The following RANBP2 variants were observed in gnomAD, a reference collection of about 807,000 sequenced individuals.
The protein encoded by RANBP2 is E3 SUMO-protein ligase RanBP2.
RANBP2 carries 57 observed loss-of-function variants against 303.6 expected under a neutral mutation model. That is an observed-to-expected ratio of 0.19 (90% CI 0.15 to 0.23). The LOEUF (loss-of-function observed/expected upper bound fraction) is 0.23. Among genes scored for constraint, RANBP2 ranks in the 10% least tolerant of loss-of-function variants. RANBP2 has a pLI of 1.00. For missense variants in RANBP2, 3,138 were observed against 3,780.8 expected (o/e 0.83, Z 4.46); for synonymous variants, 1,167 against 1,301.5 (o/e 0.90, Z 2.23).
the RANBP2 span, among the ~76,000 whole-genome samples, chr2:108,851,465 C>T: frequency 6.6e-6 from 1 of 152,112 alleles, no homozygotes; most frequent in Non-Finnish European, 1.5e-5. Context: ...CCATGCCCAG[C>T]TAATTTTTGT....
the RANBP2 span, among the ~76,000 whole-genome samples, chr2:109,608,752 CAGT>C: frequency 1.3e-5 from 2 of 152,114 alleles, no homozygotes; most frequent in Admixed American, 6.5e-5. Flanking sequence ...ATCCTTAAAT[CAGT>C]AGTAGATACA....
At chr2:109,472,692 C>T in the RANBP2 span, among the ~76,000 whole-genome samples, 2 of 152,202 alleles carry the variant, frequency 1.3e-5, no homozygotes, top group African/African-American at 4.8e-5. Context: ...TCATTCCAGA[C>T]ATCCTTCAGA....
At chr2:109,351,564 G>C in the RANBP2 span, among the ~76,000 whole-genome samples, 12 of 152,220 alleles carry the variant, frequency 7.9e-5, no homozygotes, top group African/African-American at 2.9e-4. Flanking sequence ...CATTGTGGTC[G>C]CCTTGCCAGG....
At chr2:109,085,250 T>C in the RANBP2 span, among the ~76,000 whole-genome samples, 1 of 152,200 alleles carries the variant, frequency 6.6e-6, no homozygotes, top group Non-Finnish European at 1.5e-5. Flanking sequence ...AGTGATCAGT[T>C]AATCCAGTTT....
At chr2:109,406,549 A>G in the RANBP2 span, among the ~76,000 whole-genome samples, 4 of 152,120 alleles carry the variant, frequency 2.6e-5, no homozygotes, top group Admixed American at 6.5e-5. Flanking sequence ...GACACCAACA[A>G]ACACCAGGCT....
the RANBP2 span, among the ~76,000 whole-genome samples, chr2:108,793,862 A>G: frequency 3.3e-5 from 5 of 151,524 alleles, no homozygotes; most frequent in African/African-American, 9.7e-5. Flanking sequence ...TCGGCCTCCC[A>G]AAGTGCTGGG....
the RANBP2 span, among the ~76,000 whole-genome samples, chr2:109,452,833 A>AGGAGGCTGGTCCCTG: frequency 7.7e-6 from 1 of 130,506 alleles, no homozygotes; most frequent in African/African-American, 3.0e-5. Flanking sequence ...GGCTGGTGCC[A>AGGAGGCTGGTCCCTG]GGAGGCTGGT....
chr2:108,958,049 A>C, the RANBP2 span, among the ~76,000 whole-genome samples: 1 of 152,162 alleles, frequency 6.6e-6, no homozygotes, highest in African/African-American at 2.4e-5. Flanking sequence ...AGGAAGTGCC[A>C]AAGCTGCCAA....
At chr2:108,834,539 G>A in the RANBP2 span, among the ~76,000 whole-genome samples, 17 of 152,080 alleles carry the variant, frequency 1.1e-4, no homozygotes, top group Admixed American at 5.9e-4. Context: ...TATACACTAA[G>A]TATTGTCAAA....
intron 13 of RANBP2, 116 bp downstream of exon 13, chr2:108,753,275 T>C (rs2149231443): frequency 6.2e-7 from 1 of 1,605,020 alleles, no homozygotes; most frequent in Non-Finnish European, 8.5e-7. Flanking sequence ...TAATCTTGTT[T>C]TCTAAATTCA....
the RANBP2 span, among the ~76,000 whole-genome samples, chr2:109,485,776 T>A: frequency 6.6e-6 from 1 of 152,236 alleles, no homozygotes; most frequent in Non-Finnish European, 1.5e-5. Flanking sequence ...ACTCATAAGC[T>A]CTCCCTTCTG....
At chr2:108,996,145 T>A in the RANBP2 span, among the ~76,000 whole-genome samples, 1 of 152,210 alleles carries the variant, frequency 6.6e-6, no homozygotes. Context: ...GGAAAGATTC[T>A]GATTTGGGAA....
At chr2:109,355,521 C>T in the RANBP2 span, among the ~76,000 whole-genome samples, 2 of 152,240 alleles carry the variant, frequency 1.3e-5, no homozygotes, top group Non-Finnish European at 2.9e-5. Flanking sequence ...AATTGACCTA[C>T]AACTCCTGAA....
chr2:109,517,477 C>T, the RANBP2 span, among the ~76,000 whole-genome samples: 2 of 152,154 alleles, frequency 1.3e-5, no homozygotes, highest in Admixed American at 6.5e-5. Context: ...GTCCAAACAC[C>T]GCAGGTTCGG....
At chr2:109,597,564 C>T in the RANBP2 span, among the ~76,000 whole-genome samples, 1 of 152,028 alleles carries the variant, frequency 6.6e-6, no homozygotes, top group East Asian at 2.0e-4. Context: ...CCATCTCAAA[C>T]CACCTTTGAC....
At chr2:109,016,843 C>T in the RANBP2 span, among the ~76,000 whole-genome samples, 110 of 152,308 alleles carry the variant, frequency 7.2e-4, 1 homozygote, top group South Asian at 0.013. Flanking sequence ...GCAGATACAA[C>T]AGGAGAGTTA....
chr2:109,045,078 G>A, the RANBP2 span, among the ~76,000 whole-genome samples: 1 of 152,256 alleles, frequency 6.6e-6, no homozygotes, highest in East Asian at 1.9e-4. Flanking sequence ...AGAGGGAGTT[G>A]GAGAAATCTT....
the RANBP2 span, among the ~76,000 whole-genome samples, chr2:109,314,639 T>G: frequency 0.27 from 40,962 of 152,256 alleles, 6,147 homozygotes; most frequent in East Asian, 0.66. Context: ...TAAAGGTTTG[T>G]ATAAACTTGT....
At chr2:109,412,373 C>A in the RANBP2 span, among the ~76,000 whole-genome samples, 1 of 152,236 alleles carries the variant, frequency 6.6e-6, no homozygotes, top group Non-Finnish European at 1.5e-5. Flanking sequence ...GTGGCCCCAG[C>A]GTGGCTCTGG....
Sources: gnomAD v4.1 joint callset for allele counts (sites outside exome capture counted in the v4.1 genomes callset) on GRCh38, gnomAD v4.1.1 for gene constraint, MANE v1.5 for transcripts, NCBI Gene and HGNC (gene_info 2026-07-23, HGNC 2026-07-21) for gene names.